ADGRB1: variants seen among roughly 807,000 people sequenced by gnomAD.
ADGRB1 encodes the protein adhesion G protein-coupled receptor B1.
A neutral mutation model predicts 175.7 loss-of-function variants in ADGRB1; 36 were observed. The observed-to-expected ratio is 0.20, with a 90% CI of 0.16 to 0.27. The LOEUF (loss-of-function observed/expected upper bound fraction) is 0.27. Ranked by LOEUF, ADGRB1 falls within the 10% of genes least tolerant of loss-of-function variation. ADGRB1 has a pLI of 1.00. For missense variants in ADGRB1, 1,731 were observed against 2,255.3 expected (o/e 0.77, Z 4.71); for synonymous variants, 1,054 against 979.4 (o/e 1.08, Z -1.42).
chr8:142,478,437 G>T (rs769849757), intron 7 of ADGRB1, 77 bp downstream of exon 7: 2 of 1,433,820 alleles, frequency 1.4e-6, no homozygotes, highest in Non-Finnish European at 1.9e-6. Context: ...GCCCCACAGC[G>T]GGTGGGGGTA....
intron 24 of ADGRB1, among the ~76,000 whole-genome samples, chr8:142,531,005 G>A (rs932019618): frequency 2.6e-5 from 4 of 152,222 alleles, no homozygotes; most frequent in South Asian, 2.1e-4. Context: ...CCTGCCAGCC[G>A]CAGCAGATCG....
Position 142,478,338 on chromosome 8 carries a change from C to G in ADGRB1, c.1539C>G (p.Asp513Glu). The G allele has an allele frequency of 6.2e-7, 1 of 1,607,544 alleles. No individual in the cohort carries two copies. The highest frequency in any genetic ancestry group is 1.1e-5 in the South Asian group (1 of 89,926). Reference sequence around the variant, plus strand: ...AGGGCCACTGGGTGGAGACCCGAGACTGCTTCCTGCAGCAGTGCCCAGGTC... The same window carrying G: ...AGGGCCACTGGGTGGAGACCCGAGAGTGCTTCCTGCAGCAGTGCCCAGGTC... ...ECQGHWVETR[D>E]CFLQQCPVDG... is the part of the protein sequence containing the mutation. Residue 513 changes from aspartate to glutamate, a missense_variant, in exon 7 of 31, where the codon GAC becomes GAG. Coordinates refer to ENST00000517894, the MANE Select transcript of ADGRB1 (RefSeq NM_001702.3).
In ADGRB1 at chr8:142,478,193, C is replaced by T. The variant is rs1037296158; in HGVS notation, c.1394C>T (p.Ala465Val). Residue 465 changes from alanine to valine, a missense_variant, in exon 7 of 31, where the codon GCA (alanine) becomes GTA (valine). Coordinates refer to ENST00000517894, the MANE Select transcript of ADGRB1 (RefSeq NM_001702.3). ...FCNIALCPGR[A>V]VDGNWNEWSS... is the part of the protein sequence containing the mutation. ...TGTCTCCTTCCTCCCCCGGGCCGGG[C>T]AGTGGATGGAAACTGGAATGAGTGG... The T allele has an allele frequency of 5.6e-6, 9 of 1,604,688 alleles. No homozygotes were observed. The highest frequency in any genetic ancestry group is 7.6e-6 in the Non-Finnish European group (9 of 1,176,510).
intron 18 of ADGRB1, among the ~76,000 whole-genome samples, chr8:142,514,546 A>G (rs1563729505): frequency 6.6e-6 from 1 of 152,168 alleles, no homozygotes; most frequent in African/African-American, 2.4e-5. Context: ...TGAAAAGGAC[A>G]GTTGTTGTTG....
intron 24 of ADGRB1, among the ~76,000 whole-genome samples, chr8:142,528,069 G>A (rs534099050): frequency 2.1e-4 from 26 of 121,720 alleles, no homozygotes; most frequent in African/African-American, 7.5e-4. Context: ...CCACGTAGAC[G>A]GGATGGAGGT....
rs943031580 is a variant in ADGRB1, at chr8:142,492,820, G to T, written c.2675+2005G>T. On this transcript the variant is annotated intron_variant, in intron 17 of 30. Coordinates refer to ENST00000517894, the MANE Select transcript of ADGRB1 (RefSeq NM_001702.3). The surrounding 1 kb of genome is among the most constrained non-coding windows in gnomAD (Gnocchi z 4.4). ...CCACCCCTGGGCTTTGCATTTTCAG[G>T]GGGTGGCAGTGCGGGGGCTGCAGGT... is the stretch of plus-strand genomic sequence containing the variant. Among the ~76,000 whole-genome samples, 1 of 152,138 alleles carries T rather than the reference G, an allele frequency of 6.6e-6. No homozygotes were observed. Among genetic ancestry groups the T allele is most frequent in the Admixed American group, 6.5e-5 (1 of 15,292 alleles).
intron 26 of ADGRB1, among the ~76,000 whole-genome samples, chr8:142,538,127 C>T (rs1365909271): frequency 6.6e-6 from 1 of 152,214 alleles, no homozygotes; most frequent in East Asian, 1.9e-4. Flanking sequence ...ACCCTGCGCA[C>T]TCCCGTGGGT....
chr8:142,482,921 CAAACTGAGCCCTGATCCTGATCAT>C (rs1841438426), intron 11 of ADGRB1, among the ~76,000 whole-genome samples: 1 of 150,744 alleles, frequency 6.6e-6, no homozygotes, highest in South Asian at 2.1e-4. Context: ...ACCCTTGTCA[CAAACTGAGCCCTGATCCTGATCAT>C]ACACTGAGCC....
chr8:142,465,789 C>G (rs1022024805), intron 2 of ADGRB1, among the ~76,000 whole-genome samples: 2 of 152,164 alleles, frequency 1.3e-5, no homozygotes, highest in African/African-American at 4.8e-5. Flanking sequence ...TTGTTCAAAG[C>G]TCTGCGAGAG....
At chr8:142,490,656 G>C (rs1429552698) in intron 16 of ADGRB1, 116 bp from the exon 17 acceptor site, 1 of 1,243,680 alleles carries the variant, frequency 8.0e-7, no homozygotes, top group Non-Finnish European at 1.1e-6. Context: ...GTCTGTTCAG[G>C]GACCCGCACA....
At chr8:142,517,582 AG>A (rs1843517833) in intron 18 of ADGRB1, among the ~76,000 whole-genome samples, 1 of 101,240 alleles carries the variant, frequency 9.9e-6, no homozygotes, top group African/African-American at 3.8e-5. Flanking sequence ...ACAGAGAGCG[AG>A]GGGTGGGAGG....
At position 142,492,231 on chromosome 8, in the gene ADGRB1, G is replaced by A. The variant is rs557164247; in HGVS notation, c.2675+1416G>A. On this transcript the variant is annotated intron_variant, in intron 17 of 30. Transcript: ENST00000517894. This position sits in a 1 kb window ranked among gnomAD's most constrained non-coding sequence, Gnocchi z 4.4. ...CCACCCATCCACCGCTCCTCCGTCCGCCTGTTCTTTAATCCATCCGCCCAT... is the reference window on the plus strand; with the variant it reads ...CCACCCATCCACCGCTCCTCCGTCCACCTGTTCTTTAATCCATCCGCCCAT... Among the ~76,000 whole-genome samples the A allele has an allele frequency of 3.3e-5, 5 of 152,110 alleles. No homozygotes were observed. The highest frequency in any genetic ancestry group is 3.9e-4 in the East Asian group (2 of 5,174).
chr8:142,456,876 C>T (rs1400921197), intron 1 of ADGRB1, among the ~76,000 whole-genome samples: 1 of 152,248 alleles, frequency 6.6e-6, no homozygotes, highest in Non-Finnish European at 1.5e-5. Flanking sequence ...GCAGCCTCCT[C>T]CTCAGGTCCC....
At chr8:142,505,466 G>A (rs964164518) in intron 17 of ADGRB1, among the ~76,000 whole-genome samples, 1 of 152,186 alleles carries the variant, frequency 6.6e-6, no homozygotes, top group Non-Finnish European at 1.5e-5. Flanking sequence ...CCTGGGAGAT[G>A]GGGACAAGGT....
chr8:142,527,754 G>A (rs1430104609), intron 24 of ADGRB1, among the ~76,000 whole-genome samples: 2 of 152,218 alleles, frequency 1.3e-5, no homozygotes. Flanking sequence ...CTACCTGGTC[G>A]TAAAAGCAGC....
chr8:142,522,558 C>A, intron 21 of ADGRB1, 83 bp from the exon 22 acceptor site: 1 of 1,371,404 alleles, frequency 7.3e-7, no homozygotes, highest in Admixed American at 2.6e-5. Flanking sequence ...CTGGCCCCCG[C>A]CCTTCACGGC....
intron 6 of ADGRB1, 36 bp downstream of exon 6, chr8:142,477,585 G>A: frequency 6.3e-7 from 1 of 1,589,574 alleles, no homozygotes. Flanking sequence ...CAGGGAGGAA[G>A]GGAAGAAAGG....
intron 1 of ADGRB1, among the ~76,000 whole-genome samples, chr8:142,457,094 C>T (rs1015469315): frequency 4.6e-5 from 7 of 152,150 alleles, no homozygotes; most frequent in South Asian, 2.1e-4. Context: ...CCCTAGACTA[C>T]GGGAGATGCA....
chr8:142,500,235 A>C (rs1263717539), intron 17 of ADGRB1, among the ~76,000 whole-genome samples: 34 of 13,588 alleles, frequency 2.5e-3, no homozygotes, highest in African/African-American at 7.0e-3. Flanking sequence ...CCGCTCCTCC[A>C]CCTCCCCACG....
Sources: gnomAD v4.1 joint callset for allele counts (sites outside exome capture counted in the v4.1 genomes callset) on GRCh38, gnomAD v4.1.1 for gene constraint, Gnocchi (gnomAD v3.1) non-coding constraint, MANE v1.5 for transcripts, NCBI Gene and HGNC (gene_info 2026-07-23, HGNC 2026-07-21) for gene names.